The following POU6F2 variants were observed in gnomAD, a reference collection of about 807,000 sequenced individuals.
POU6F2 encodes POU domain, class 6, transcription factor 2.
POU6F2 carries 31 observed loss-of-function variants against 71.3 expected under a neutral mutation model. The observed-to-expected ratio is 0.43, with a 90% CI of 0.33 to 0.59. POU6F2 has a LOEUF of 0.59. POU6F2 is among the 20% of genes least tolerant of loss of function. The pLI is 0.04. For missense variants in POU6F2, 783 were observed against 856.8 expected (o/e 0.91, Z 1.07); for synonymous variants, 347 against 355.7 (o/e 0.98, Z 0.27).
intron 2 of POU6F2, among the ~76,000 whole-genome samples, chr7:39,168,623 G>C (rs1478157564): frequency 6.6e-6 from 1 of 152,178 alleles, no homozygotes; most frequent in Non-Finnish European, 1.5e-5. Flanking sequence ...AAGCCTGCTG[G>C]AAAGAGTCTG....
At chr7:39,048,622 A>G (rs1468444234) in intron 1 of POU6F2, among the ~76,000 whole-genome samples, 1 of 151,880 alleles carries the variant, frequency 6.6e-6, no homozygotes, top group Non-Finnish European at 1.5e-5. Context: ...TATCGTTGTT[A>G]TTGTGAATAG....
chr7:39,374,405 C>T (rs1428408567), intron 5 of POU6F2, among the ~76,000 whole-genome samples: 5 of 152,166 alleles, frequency 3.3e-5, no homozygotes, highest in Non-Finnish European at 7.3e-5. Flanking sequence ...TTTGGGTTCG[C>T]CTTTTCTTGA....
At chr7:39,123,395 A>C (rs569116613) in intron 2 of POU6F2, among the ~76,000 whole-genome samples, 11 of 152,248 alleles carry the variant, frequency 7.2e-5, no homozygotes, top group Non-Finnish European at 1.5e-4. Flanking sequence ...AAGGAATCAA[A>C]CATTCAGAAA....
intron 4 of POU6F2, among the ~76,000 whole-genome samples, chr7:39,263,381 C>T (rs1784175605): frequency 6.6e-6 from 1 of 152,180 alleles, no homozygotes; most frequent in African/African-American, 2.4e-5. Flanking sequence ...ATCACACCTT[C>T]TATAGCAGTC....
At chr7:39,258,057 G>C (rs1051029470) in intron 4 of POU6F2, among the ~76,000 whole-genome samples, 2 of 152,262 alleles carry the variant, frequency 1.3e-5, no homozygotes, top group African/African-American at 4.8e-5. Flanking sequence ...ATTACCTGGG[G>C]AGAAGAATGT....
chr7:39,406,485 G>GAA, intron 5 of POU6F2, 115 bp from the exon 6 acceptor site: 1 of 1,275,694 alleles, frequency 7.8e-7, no homozygotes, highest in Non-Finnish European at 1.1e-6. Flanking sequence ...TGGGTTCCAG[G>GAA]CCCTTTGCAT....
At chr7:39,006,893 C>T (rs1429179258) in intron 1 of POU6F2, 1 of 1,609,178 alleles carries the variant, frequency 6.2e-7, no homozygotes, top group Non-Finnish European at 8.5e-7. Flanking sequence ...TTCAGAATGC[C>T]TACCAATAGG....
intron 1 of POU6F2, among the ~76,000 whole-genome samples, chr7:38,986,300 G>A (rs859519): frequency 4.0e-5 from 6 of 151,832 alleles, no homozygotes; most frequent in South Asian, 4.1e-4. Flanking sequence ...CTCAAGAGAC[G>A]CTCCCACCTC....
At chr7:39,334,513 TAA>T (rs398066804) in intron 4 of POU6F2, among the ~76,000 whole-genome samples, 3 of 143,882 alleles carry the variant, frequency 2.1e-5, no homozygotes, top group Admixed American at 6.9e-5. Context: ...TTTGAAAAAT[TAA>T]AAAAAAAAAA....
chr7:39,438,655 C>G (rs1418867672), intron 7 of POU6F2, among the ~76,000 whole-genome samples: 2 of 152,158 alleles, frequency 1.3e-5, no homozygotes, highest in Admixed American at 1.3e-4. Flanking sequence ...GTGGTGATTC[C>G]TCAAGGATCT....
intron 5 of POU6F2, among the ~76,000 whole-genome samples, chr7:39,374,322 C>T (rs567310158): frequency 5.9e-5 from 9 of 152,184 alleles, no homozygotes; most frequent in Non-Finnish European, 1.3e-4. Flanking sequence ...ACCTAACCAC[C>T]TGCACTGGAC....
intron 4 of POU6F2, among the ~76,000 whole-genome samples, chr7:39,277,076 T>C (rs1357311473): frequency 2.0e-5 from 3 of 152,084 alleles, no homozygotes; most frequent in Non-Finnish European, 2.9e-5. Flanking sequence ...AAATTCTCTT[T>C]CAAAACATAA....
intron 2 of POU6F2, among the ~76,000 whole-genome samples, chr7:39,203,800 C>T (rs1033009314): frequency 3.3e-5 from 5 of 151,730 alleles, no homozygotes; most frequent in South Asian, 2.1e-4. Flanking sequence ...TCAAAGAGTA[C>T]GGAATAAGAA....
At chr7:38,981,273 C>CT (rs1248511221) in intron 1 of POU6F2, among the ~76,000 whole-genome samples, 15 of 151,980 alleles carry the variant, frequency 9.9e-5, no homozygotes, top group East Asian at 1.9e-4. Context: ...TGCTTCGTTT[C>CT]TTTTTTTTGC....
intron 5 of POU6F2, among the ~76,000 whole-genome samples, chr7:39,402,065 A>G (rs1225874434): frequency 6.6e-6 from 1 of 152,254 alleles, no homozygotes; most frequent in Non-Finnish European, 1.5e-5. Context: ...GACAAATATT[A>G]TGACTACTAA....
At chr7:39,173,757 C>G (rs535311835) in intron 2 of POU6F2, among the ~76,000 whole-genome samples, 2 of 152,292 alleles carry the variant, frequency 1.3e-5, no homozygotes, top group African/African-American at 2.4e-5. Flanking sequence ...TGGTCCTCCT[C>G]TAATAGAGGC....
intron 2 of POU6F2, among the ~76,000 whole-genome samples, chr7:39,170,783 G>A (rs964422977): frequency 2.6e-5 from 4 of 151,864 alleles, no homozygotes; most frequent in African/African-American, 4.8e-5. Context: ...GAGGCGACAG[G>A]TATCCCAATT....
intron 4 of POU6F2, among the ~76,000 whole-genome samples, chr7:39,288,334 C>T (rs1488481817): frequency 2.0e-5 from 3 of 152,190 alleles, no homozygotes; most frequent in Non-Finnish European, 4.4e-5. Flanking sequence ...ATAACCTCAC[C>T]TCTCTGAGCT....
rs573159612 is a variant in POU6F2, at chr7:39,156,120, C to T, written c.278-48115C>T. Among the ~76,000 whole-genome samples, 3 of 152,216 alleles carry T rather than the reference C, an allele frequency of 2.0e-5. No homozygotes were observed. In the South Asian group the frequency reaches 6.2e-4, roughly 32 times the overall value. ...ATGTCTATATCTCTCTCTAAATGACCAGGTAAAATCCAGATTGTGAGTTTC... is the reference window on the plus strand; with the variant it reads ...ATGTCTATATCTCTCTCTAAATGACTAGGTAAAATCCAGATTGTGAGTTTC... On this transcript the variant is annotated intron_variant, in intron 2 of 9. Coordinates refer to ENST00000518318, the MANE Select transcript of POU6F2 (RefSeq NM_001370959.1).
Sources: allele counts gnomAD v4.1 joint callset (sites outside exome capture counted in the v4.1 genomes callset), GRCh38; gene constraint gnomAD v4.1.1; transcripts MANE v1.5; gene names NCBI Gene and HGNC (gene_info 2026-07-23, HGNC 2026-07-21).